CLCA1: variants seen among roughly 807,000 people sequenced by gnomAD.
The protein encoded by CLCA1 is chloride channel accessory 1, also known as calcium-activated chloride channel regulator 1.
In CLCA1, 59 loss-of-function variants were observed where a neutral mutation model predicts 85.6. The ratio of observed to expected loss-of-function variants is 0.69; its 90% CI spans 0.56 to 0.86. The LOEUF (loss-of-function observed/expected upper bound fraction) is 0.86. CLCA1 is among the 40% of genes least tolerant of loss of function. The probability of loss-of-function intolerance (pLI) is 0.00; values close to 1 mark genes in which losing one functional copy is unlikely to be tolerated. For synonymous variants in CLCA1, 396 were observed against 398.3 expected (o/e 0.99, Z 0.07); for missense variants, 1,022 against 1,101.4 (o/e 0.93, Z 1.02).
At chr1:86,490,449 TTATAA>T (rs1648104656) in intron 8 of CLCA1, among the ~76,000 whole-genome samples, 1 of 152,220 alleles carries the variant, frequency 6.6e-6, no homozygotes, top group Non-Finnish European at 1.5e-5. Flanking sequence ...AATCCTGTTT[TTATAA>T]TATACTATTC....
chr1:86,492,432 C>CAG (rs3835432), intron 9 of CLCA1, among the ~76,000 whole-genome samples: 3,835 of 151,340 alleles, frequency 0.025, 70 homozygotes, highest in Middle Eastern at 0.062. Flanking sequence ...AGAAACCTAA[C>CAG]AGAGAGAGAG....
At position 86,469,107 on chromosome 1, in the gene CLCA1, G is replaced by T. The variant is rs755354335; in HGVS notation, c.136G>T (p.Asp46Tyr). ...TGCAATCGACCCCAATGTGCCAGAAGATGAAACACTCATTCAACAAATAAA... is the reference window on the plus strand; with the variant it reads ...TGCAATCGACCCCAATGTGCCAGAATATGAAACACTCATTCAACAAATAAA... ...VVAIDPNVPE[D>Y]ETLIQQIKDM... The change falls in exon 1 of 14, where the codon GAT (aspartate) becomes TAT (tyrosine). Residue 46 changes from aspartate (D) to tyrosine (Y), a missense_variant. By Grantham distance (160) the Asp-to-Tyr change is radical. Transcript: ENST00000394711. 1.9e-6 allele frequency: 3 copies of T among 1,607,284 alleles called. No homozygotes were observed.
At chr1:86,480,011 A>C (rs1186953845) in intron 4 of CLCA1, among the ~76,000 whole-genome samples, 1 of 152,216 alleles carries the variant, frequency 6.6e-6, no homozygotes, top group Non-Finnish European at 1.5e-5. Context: ...CAATTTTTTA[A>C]CTGTGTGGGG....
At chr1:86,486,896 C>A in intron 7 of CLCA1, 143 bp downstream of exon 7, 1 of 752,092 alleles carries the variant, frequency 1.3e-6, no homozygotes, top group Non-Finnish European at 2.2e-6. Context: ...TACTTGGAGA[C>A]TGTTTAGCCA....
At chr1:86,475,458 T>C (rs1321485729) in intron 3 of CLCA1, among the ~76,000 whole-genome samples, 1 of 152,214 alleles carries the variant, frequency 6.6e-6, no homozygotes, top group Non-Finnish European at 1.5e-5. Flanking sequence ...TGTGCCCAGA[T>C]ATGACAGTGA....
Position 86,484,119 on chromosome 1 carries a change from G to A in CLCA1, c.736-1224G>A, listed in dbSNP as rs552186440. Among the ~76,000 whole-genome samples, 5 of 152,214 alleles carry A rather than the reference G, an allele frequency of 3.3e-5. No individual in the cohort carries two copies. In the East Asian group the frequency reaches 5.8e-4, roughly 18 times the overall value. The stretch of plus-strand genomic sequence containing the variant: ...TCACCTCCCACCAGATCCCTCCCTC[G>A]ACACGTGGGGATTACAAATCAAGAT... On this transcript the variant is annotated intron_variant, in intron 5 of 13. Coordinates refer to ENST00000394711, the MANE Select transcript of CLCA1 (RefSeq NM_001285.4).
chr1:86,474,079 G>C (rs1347819229), intron 3 of CLCA1, among the ~76,000 whole-genome samples: 6 of 152,072 alleles, frequency 3.9e-5, no homozygotes, highest in African/African-American at 1.4e-4. Context: ...ATTTACTTTA[G>C]ATACATGTAT....
chr1:86,473,975 C>T (rs1307041858), intron 3 of CLCA1, 99 bp downstream of exon 3: 2 of 792,384 alleles, frequency 2.5e-6, no homozygotes, highest in African/African-American at 3.5e-5. Context: ...ATGTATAAGC[C>T]AAACAATTAG....
In CLCA1 at chr1:86,486,892, G is replaced by A. The variant is rs1007402120; in HGVS notation, c.1182+139G>A. ...AGGAGCAATATTCCATATTTACTTG[G>A]AGACTGTTTAGCCACATGAAACAGA... On this transcript the variant is annotated intron_variant, in intron 7 of 13. Coordinates refer to ENST00000394711, the MANE Select transcript of CLCA1 (RefSeq NM_001285.4). 1.3e-5 allele frequency: 10 copies of A among 772,220 alleles called. No individual in the cohort carries two copies. The Admixed American group carries it at 1.8e-4, about 14-fold the overall frequency. 47.8% of individuals were successfully genotyped at this position (772,220 alleles called of 1,614,324 possible). A position where few individuals can be genotyped will look rare whatever the true frequency, so the allele number is the denominator to read the frequency against.
intron 5 of CLCA1, among the ~76,000 whole-genome samples, chr1:86,483,107 G>A (rs555999508): frequency 6.6e-6 from 1 of 152,128 alleles, no homozygotes; most frequent in South Asian, 2.1e-4. Context: ...AACAGGAATG[G>A]AGCATAAGTT....
Position 86,494,267 on chromosome 1 carries a change from C to T in CLCA1, c.1761C>T (p.Thr587=), listed in dbSNP as rs550192533. ...LTVTSRASNA[T]LPPITVTSKT... ...TCACGTCCCGTGCGTCCAATGCTAC[C>T]CTGCCTCCAATTACAGTGACTTCCA... is the stretch of plus-strand genomic sequence containing the variant. The change falls in exon 11 of 14, where the codon ACC becomes ACT. Residue 587 remains threonine, a synonymous_variant. Transcript: ENST00000394711. 1.2e-5 allele frequency: 20 copies of T among 1,614,166 alleles called. No homozygotes were observed. In the African/African-American group the frequency reaches 2.4e-4, roughly 19 times the overall value.
intron 1 of CLCA1, among the ~76,000 whole-genome samples, chr1:86,470,778 C>T (rs1013369088): frequency 5.9e-5 from 9 of 152,154 alleles, no homozygotes; most frequent in African/African-American, 1.9e-4. Flanking sequence ...TGAGGGACCT[C>T]GTTGAGGGCT....
intron 4 of CLCA1, among the ~76,000 whole-genome samples, chr1:86,480,717 G>C (rs1647794392): frequency 6.6e-6 from 1 of 152,264 alleles, no homozygotes; most frequent in African/African-American, 2.4e-5. Context: ...AATTTGATAG[G>C]GATGAGATTC....
intron 7 of CLCA1, among the ~76,000 whole-genome samples, chr1:86,487,937 A>G (rs1003573541): frequency 1.3e-5 from 2 of 152,232 alleles, no homozygotes; most frequent in African/African-American, 4.8e-5. Flanking sequence ...TCTGGCCTGC[A>G]GCTTAGTAAG....
intron 1 of CLCA1, among the ~76,000 whole-genome samples, chr1:86,472,594 TCATAA>T (rs1485743321): frequency 6.6e-6 from 1 of 152,222 alleles, no homozygotes; most frequent in Non-Finnish European, 1.5e-5. Flanking sequence ...TACTCTCTCG[TCATAA>T]CATATCACAG....
Position 86,500,067 on chromosome 1 carries a change from A to T in CLCA1, c.*22A>T. On this transcript the variant is annotated 3_prime_UTR_variant, in exon 14 of 14. Coordinates refer to ENST00000394711, the MANE Select transcript of CLCA1 (RefSeq NM_001285.4). ...CTAGGGCTGAATTTTTGTCAGATAA[A>T]TAAAATAAATCATTCATCCTTTTTT... 1 of 1,507,500 alleles carries T rather than the reference A, an allele frequency of 6.6e-7. No homozygotes were observed. The highest frequency in any genetic ancestry group is 9.0e-7 in the Non-Finnish European group (1 of 1,107,836). 93.4% of individuals were successfully genotyped at this position (1,507,500 alleles called of 1,614,324 possible).
chr1:86,492,388 T>C (rs902025021), intron 9 of CLCA1, among the ~76,000 whole-genome samples: 1 of 152,172 alleles, frequency 6.6e-6, no homozygotes, highest in Non-Finnish European at 1.5e-5. Context: ...CAAGTTCACA[T>C]TTAGGAAATT....
chr1:86,493,614 T>G lies in CLCA1; in HGVS notation c.1680+15T>G. ...GCATTGCTAAGGTATGGAGTCAGCT[T>G]TTTTTCTTTCTCATAATTCAACAAG... On this transcript the variant is annotated intron_variant, in intron 10 of 13. Transcript: ENST00000394711. 2 of 1,582,150 alleles carry G rather than the reference T, an allele frequency of 1.3e-6. No individual in the cohort carries two copies. Among genetic ancestry groups the G allele is most frequent in the South Asian group, 2.2e-5 (2 of 89,690 alleles).
At chr1:86,490,202 G>A (rs138753613) in intron 8 of CLCA1, among the ~76,000 whole-genome samples, 3 of 152,308 alleles carry the variant, frequency 2.0e-5, no homozygotes, top group East Asian at 1.9e-4. Flanking sequence ...TCTAGGTAGG[G>A]TGGCCCCTTT....
Sources: gnomAD v4.1 joint callset for allele counts (sites outside exome capture counted in the v4.1 genomes callset) on GRCh38, gnomAD v4.1.1 for gene constraint, MANE v1.5 for transcripts, NCBI Gene and HGNC (gene_info 2026-07-23, HGNC 2026-07-21) for gene names.